Variants in SLC35F1 observed in about 807,000 individuals in gnomAD.
SLC35F1 encodes solute carrier family 35 member F1, also known as chromosome 6 open reading frame 169.
Under a neutral mutation model 48.7 loss-of-function variants are expected in SLC35F1, and 14 were observed. The ratio of observed to expected loss-of-function variants is 0.29; its 90% CI spans 0.19 to 0.45. SLC35F1 has a LOEUF of 0.45. SLC35F1 is among the 20% of genes least tolerant of loss of function. The pLI, the probability that SLC35F1 is intolerant of heterozygous loss-of-function variation, is 1.00. For synonymous variants in SLC35F1, 190 were observed against 202.2 expected, an observed-to-expected ratio of 0.94 and a Z score of 0.51; for missense variants, 404 against 500.0, an observed-to-expected ratio of 0.81 and a Z score of 1.83.
chr6:117,997,843 A>T (rs9385026), intron 1 of SLC35F1, among the ~76,000 whole-genome samples: 9 of 151,084 alleles, frequency 6.0e-5, no homozygotes, highest in South Asian at 2.1e-4. Context: ...AAGACCATCA[A>T]GGCTAGGAAG....
intron 7 of SLC35F1, among the ~76,000 whole-genome samples, chr6:118,295,076 A>G (rs985471609): frequency 2.6e-5 from 4 of 152,094 alleles, no homozygotes; most frequent in Admixed American, 6.6e-5. Context: ...ACAGGTGTAG[A>G]GCTCCACAGT....
At chr6:118,092,717 A>C (rs1028440199) in intron 1 of SLC35F1, among the ~76,000 whole-genome samples, 34 of 152,190 alleles carry the variant, frequency 2.2e-4, no homozygotes, top group African/African-American at 8.2e-4. Context: ...TGGGTGTGAG[A>C]CATGGAGTCA....
intron 1 of SLC35F1, among the ~76,000 whole-genome samples, chr6:118,114,683 T>C (rs9387560): frequency 0.2 from 30,621 of 152,128 alleles, 3,269 homozygotes; most frequent in East Asian, 0.33. Context: ...GCCAGATTCA[T>C]TGACTTTTAA....
At chr6:118,189,466 T>C (rs1774703128) in intron 2 of SLC35F1, among the ~76,000 whole-genome samples, 1 of 152,218 alleles carries the variant, frequency 6.6e-6, no homozygotes, top group Non-Finnish European at 1.5e-5. Flanking sequence ...ATTATTATTA[T>C]CATTTTACTA....
At chr6:118,222,466 G>A (rs1244414053) in intron 2 of SLC35F1, among the ~76,000 whole-genome samples, 1 of 151,212 alleles carries the variant, frequency 6.6e-6, no homozygotes, top group Non-Finnish European at 1.5e-5. Context: ...TGTAATGCTA[G>A]TAACTTGACC....
At chr6:118,130,608 A>G (rs1441151309) in intron 1 of SLC35F1, among the ~76,000 whole-genome samples, 1 of 152,230 alleles carries the variant, frequency 6.6e-6, no homozygotes, top group Non-Finnish European at 1.5e-5. Flanking sequence ...CACCAAAGGC[A>G]TAATACTTGG....
chr6:117,921,745 C>T (rs1775902265), intron 1 of SLC35F1, among the ~76,000 whole-genome samples: 1 of 152,160 alleles, frequency 6.6e-6, no homozygotes, highest in Non-Finnish European at 1.5e-5. Context: ...ACTTCCCTGG[C>T]CCCAAAGTTA....
At chr6:118,290,964 T>C (rs1776114048) in intron 7 of SLC35F1, among the ~76,000 whole-genome samples, 1 of 151,832 alleles carries the variant, frequency 6.6e-6, no homozygotes, top group African/African-American at 2.4e-5. Flanking sequence ...CCGGCTAATT[T>C]TTGTATTTTT....
chr6:118,233,093 G>A (rs1775316408), intron 2 of SLC35F1, among the ~76,000 whole-genome samples: 1 of 152,070 alleles, frequency 6.6e-6, no homozygotes, highest in South Asian at 2.1e-4. Flanking sequence ...AACCTCCTGA[G>A]TAGCTGGAAC....
At chr6:118,078,760 G>A (rs986729531) in intron 1 of SLC35F1, among the ~76,000 whole-genome samples, 1 of 152,134 alleles carries the variant, frequency 6.6e-6, no homozygotes, top group Non-Finnish European at 1.5e-5. Context: ...AGAAGCTTGG[G>A]TACCCTTTCA....
intron 1 of SLC35F1, among the ~76,000 whole-genome samples, chr6:117,977,971 T>A (rs1419572098): frequency 6.6e-6 from 1 of 152,158 alleles, no homozygotes; most frequent in Non-Finnish European, 1.5e-5. Context: ...TTATGTTAAT[T>A]TGGGAGTAGA....
At chr6:117,976,773 G>A (rs936638391) in intron 1 of SLC35F1, among the ~76,000 whole-genome samples, 1 of 152,084 alleles carries the variant, frequency 6.6e-6, no homozygotes, top group East Asian at 1.9e-4. Flanking sequence ...GAAAACACAG[G>A]CAAAGTATTT....
chr6:118,098,504 C>A (rs1484558582), intron 1 of SLC35F1, among the ~76,000 whole-genome samples: 2 of 152,144 alleles, frequency 1.3e-5, no homozygotes, highest in South Asian at 4.1e-4. Flanking sequence ...TAAAAACACC[C>A]CACCATGAGG....
chr6:117,933,565 C>A (rs1776127915), intron 1 of SLC35F1, among the ~76,000 whole-genome samples: 1 of 152,116 alleles, frequency 6.6e-6, no homozygotes, highest in African/African-American at 2.4e-5. Context: ...GCCCTCTGGG[C>A]ACCTTGGTTT....
chr6:118,033,985 C>T (rs1772090710), intron 1 of SLC35F1, among the ~76,000 whole-genome samples: 1 of 152,146 alleles, frequency 6.6e-6, no homozygotes, highest in Non-Finnish European at 1.5e-5. Flanking sequence ...TAACAGGAGG[C>T]AGCAGCTAAA....
chr6:118,143,498 A>T lies in SLC35F1; in HGVS notation c.174-10947A>T, dbSNP rs1582691345. Among the ~76,000 whole-genome samples the T allele has an allele frequency of 2.6e-5, 4 of 152,304 alleles. 1 individual carries two copies. In the South Asian group the frequency reaches 8.3e-4, roughly 32 times the overall value. ...TCATTTCATGTAAGACTTCTTAAAT[A>T]TTCCTCATTTCTTTTTTGTTTTCCT... On this transcript the variant is annotated intron_variant, in intron 1 of 7. Coordinates refer to ENST00000360388, the MANE Select transcript of SLC35F1 (RefSeq NM_001029858.4).
At chr6:117,998,746 G>T (rs942912990) in intron 1 of SLC35F1, among the ~76,000 whole-genome samples, 1 of 152,142 alleles carries the variant, frequency 6.6e-6, no homozygotes, top group Non-Finnish European at 1.5e-5. Context: ...AGACACAACA[G>T]ACCAGAATCT....
chr6:118,103,646 T>C (rs183268779), intron 1 of SLC35F1, among the ~76,000 whole-genome samples: 38 of 152,280 alleles, frequency 2.5e-4, no homozygotes, highest in African/African-American at 8.7e-4. Flanking sequence ...TGCTGGTCTA[T>C]GAAAATGCCA....
intron 1 of SLC35F1, among the ~76,000 whole-genome samples, chr6:118,002,794 T>TAA (rs901676151): frequency 2.0e-5 from 3 of 151,718 alleles, no homozygotes; most frequent in African/African-American, 7.3e-5. Flanking sequence ...AGAAAAGGCA[T>TAA]AAGAGATCAG....
Sources: allele counts gnomAD v4.1 joint callset (sites outside exome capture counted in the v4.1 genomes callset), GRCh38; gene constraint gnomAD v4.1.1; transcripts MANE v1.5; gene names NCBI Gene and HGNC (gene_info 2026-07-23, HGNC 2026-07-21).